Variants in SETX observed in about 807,000 individuals in gnomAD.
SETX encodes the protein senataxin.
SETX carries 90 observed loss-of-function variants against 227.2 expected under a neutral mutation model. The observed-to-expected ratio is 0.40, with a 90% CI of 0.33 to 0.47. The LOEUF (loss-of-function observed/expected upper bound fraction) is 0.47, where lower values mean the gene tolerates loss of function less well. SETX is among the 20% of genes least tolerant of loss of function. The probability of loss-of-function intolerance (pLI) is 0.91; values close to 1 mark genes in which losing one functional copy is unlikely to be tolerated. For synonymous variants in SETX, 1,210 were observed against 1,113.2 expected (o/e 1.09, Z -1.73); for missense variants, 3,052 against 3,181.5 (o/e 0.96, Z 0.98).
intron 15 of SETX, among the ~76,000 whole-genome samples, chr9:132,292,691 G>A (rs1356278679): frequency 1.2e-4 from 18 of 146,172 alleles, no homozygotes; most frequent in African/African-American, 3.1e-4. Context: ...GTGCAGTGGC[G>A]CGATCTCAGC....
intron 23 of SETX, 153 bp downstream of exon 23, chr9:132,275,103 A>C (rs1843088705): frequency 1.3e-6 from 1 of 766,188 alleles, no homozygotes; most frequent in Non-Finnish European, 2.2e-6. Context: ...ACACAGCACA[A>C]GTCTATGAAA....
At chr9:132,270,290 G>C (rs953425341) in intron 24 of SETX, among the ~76,000 whole-genome samples, 1 of 150,602 alleles carries the variant, frequency 6.6e-6, no homozygotes, top group South Asian at 2.1e-4. Flanking sequence ...GCCCATGTGA[G>C]ACACAGGTAG....
chr9:132,307,371 T>C (rs1421554616), intron 11 of SETX, among the ~76,000 whole-genome samples: 2 of 152,160 alleles, frequency 1.3e-5, no homozygotes, highest in African/African-American at 4.8e-5. Context: ...TGCATGGTTA[T>C]CTTTTACTTA....
chr9:132,325,168 A>G (rs1185301815), intron 10 of SETX, among the ~76,000 whole-genome samples: 2 of 152,060 alleles, frequency 1.3e-5, no homozygotes, highest in Admixed American at 6.5e-5. Flanking sequence ...CATCCTGGCT[A>G]ACATGGTGAA....
chr9:132,329,352 T>C lies in SETX; in HGVS notation c.2246A>G (p.Asp749Gly). The C allele has an allele frequency of 6.2e-7, 1 of 1,614,030 alleles. No homozygotes were observed. Among genetic ancestry groups the C allele is most frequent in the East Asian group, 2.2e-5 (1 of 44,854 alleles). Residue 749 changes from aspartate (D) to glycine (G), a missense_variant, in exon 10 of 26, where the codon GAT becomes GGT. Physicochemically the swap from Asp to Gly is moderately conservative, Grantham distance 94. Coordinates refer to ENST00000224140, the MANE Select transcript of SETX (RefSeq NM_015046.7). ...GIIVSTRLLT[D>G]SSTDALEKVS... ...TTTTTCCAAAGCATCAGTGCTAGAA[T>C]CAGTCAACAAACGTGTTGATACTAT... is the stretch of plus-strand genomic sequence containing the variant.
rs766799310 is a variant in SETX, at chr9:132,311,829, T to A, written c.5302A>T (p.Asn1768Tyr). ...TVAQEWLNSP[N>Y]RENFYQLQVR... ...TGCAACTGATAGAAATTCTCTCTATTTGGAGAGTTGAGCCATTCTTGTGCC... is the reference window on the plus strand; with the variant it reads ...TGCAACTGATAGAAATTCTCTCTATATGGAGAGTTGAGCCATTCTTGTGCC... The change falls in exon 11 of 26, where the codon AAT becomes TAT. Residue 1768 changes from asparagine (N) to tyrosine (Y), a missense_variant. Physicochemically the swap from Asn to Tyr is moderately radical, Grantham distance 143 (BLOSUM62 -2). Transcript: ENST00000224140. 1.5e-5 allele frequency: 24 copies of A among 1,613,406 alleles called. 1 individual carries two copies. In the South Asian group the frequency reaches 1.6e-4, roughly 11 times the overall value.
intron 21 of SETX, 84 bp downstream of exon 21, chr9:132,277,986 A>T: frequency 7.7e-7 from 1 of 1,301,446 alleles, no homozygotes; most frequent in Non-Finnish European, 1.1e-6. Context: ...TTATGACAAG[A>T]CCTAAGACGA....
At chr9:132,321,672 A>AC (rs1288470187) in intron 10 of SETX, among the ~76,000 whole-genome samples, 2 of 141,436 alleles carry the variant, frequency 1.4e-5, no homozygotes, top group East Asian at 2.1e-4. Flanking sequence ...AAAAAAAAAA[A>AC]ACTACAAAAA....
chr9:132,335,121 T>C (rs936601828), intron 6 of SETX, among the ~76,000 whole-genome samples: 1 of 151,938 alleles, frequency 6.6e-6, no homozygotes, highest in Non-Finnish European at 1.5e-5. Context: ...CCGGGCGTGG[T>C]GGCTCACACC....
chr9:132,338,595 A>G (rs1028706630), intron 5 of SETX, among the ~76,000 whole-genome samples: 2 of 152,226 alleles, frequency 1.3e-5, no homozygotes, highest in Non-Finnish European at 2.9e-5. Context: ...ACACAAAAAT[A>G]AAATGGTATA....
chr9:132,274,423 T>C (rs963083649), intron 23 of SETX, among the ~76,000 whole-genome samples: 2 of 151,598 alleles, frequency 1.3e-5, no homozygotes, highest in Admixed American at 6.6e-5. Flanking sequence ...TTATTTGTTA[T>C]AAAGGTCTGA....
intron 10 of SETX, among the ~76,000 whole-genome samples, chr9:132,317,620 C>T (rs557527906): frequency 6.6e-6 from 1 of 150,908 alleles, no homozygotes; most frequent in South Asian, 2.1e-4. Flanking sequence ...GTTTGTTTGC[C>T]GTATCATTTT....
chr9:132,277,794 A>C, intron 21 of SETX, among the ~76,000 whole-genome samples: 1 of 97,148 alleles, frequency 1.0e-5, no homozygotes. Context: ...GTCTTCAAAA[A>C]AAAAAAAAAA....
At chr9:132,292,297 G>A (rs1367703431) in intron 15 of SETX, among the ~76,000 whole-genome samples, 1 of 151,214 alleles carries the variant, frequency 6.6e-6, no homozygotes, top group African/African-American at 2.4e-5. Flanking sequence ...CCAGTGTGAT[G>A]GCAAACCTGC....
intron 10 of SETX, among the ~76,000 whole-genome samples, chr9:132,320,446 GCCGGA>G (rs1304823224): frequency 6.6e-6 from 1 of 151,916 alleles, no homozygotes; most frequent in Non-Finnish European, 1.5e-5. Context: ...CAGACGTGGT[GCCGGA>G]CGCCTGATGG....
At chr9:132,277,807 AAAAAAG>A (rs1843249078) in intron 21 of SETX, among the ~76,000 whole-genome samples, 1 of 106,808 alleles carries the variant, frequency 9.4e-6, no homozygotes, top group African/African-American at 6.2e-5. Flanking sequence ...AAAAAAAAAA[AAAAAAG>A]GACTGCTGAA....
At chr9:132,300,574 A>G (rs1564507224) in intron 12 of SETX, 56 bp downstream of exon 12, 2 of 1,552,638 alleles carry the variant, frequency 1.3e-6, no homozygotes, top group South Asian at 2.2e-5. Flanking sequence ...TGAGAAGTAG[A>G]TTATTAGATG....
At chr9:132,302,681 C>CAAAAAAAAAAAAAAAAAAAAG (rs57673567) in intron 11 of SETX, among the ~76,000 whole-genome samples, 4 of 78,482 alleles carry the variant, frequency 5.1e-5, no homozygotes, top group African/African-American at 1.6e-4. Flanking sequence ...AAAAAAAAAG[C>CAAAAAAAAAAAAAAAAAAAAG]AAAAAAAAAA....
chr9:132,267,413 C>G (rs1363580154), intron 25 of SETX, among the ~76,000 whole-genome samples: 2 of 152,204 alleles, frequency 1.3e-5, no homozygotes, highest in Non-Finnish European at 2.9e-5. Flanking sequence ...GGTGTTTAAT[C>G]CATTCCTAAG....
Sources: gnomAD v4.1 joint callset for allele counts (sites outside exome capture counted in the v4.1 genomes callset) on GRCh38, gnomAD v4.1.1 for gene constraint, MANE v1.5 for transcripts, NCBI Gene and HGNC (gene_info 2026-07-23, HGNC 2026-07-21) for gene names.